Variants in MYO3B observed in about 807,000 individuals in gnomAD.
MYO3B encodes the protein myosin-IIIb.
In MYO3B, 156 loss-of-function variants were observed where a neutral mutation model predicts 174.6. That is an observed-to-expected ratio of 0.89 (90% CI 0.78 to 1.02). The LOEUF is 1.02. Ranked by LOEUF, MYO3B falls within the 50% of genes least tolerant of loss-of-function variation. The pLI, the probability that MYO3B is intolerant of heterozygous loss-of-function variation, is 0.00. For synonymous variants in MYO3B, 563 were observed against 569.1 expected (o/e 0.99, Z 0.15); for missense variants, 1,632 against 1,639.4 (o/e 1.00, Z 0.08).
At chr2:170,244,101 T>G (rs1360760300) in intron 7 of MYO3B, among the ~76,000 whole-genome samples, 1 of 152,206 alleles carries the variant, frequency 6.6e-6, no homozygotes, top group Non-Finnish European at 1.5e-5. Flanking sequence ...CATGGTACTT[T>G]TCCTTTGCTA....
At chr2:170,472,235 G>A (rs1685018372) in intron 25 of MYO3B, among the ~76,000 whole-genome samples, 1 of 152,118 alleles carries the variant, frequency 6.6e-6, no homozygotes, top group African/African-American at 2.4e-5. Context: ...GACCATCCAG[G>A]CCCCCATGGG....
intron 1 of MYO3B, among the ~76,000 whole-genome samples, chr2:170,179,546 T>C (rs924426209): frequency 1.3e-5 from 2 of 152,224 alleles, no homozygotes; most frequent in African/African-American, 4.8e-5. Context: ...CGGCTCCTAG[T>C]AAAAGGATAG....
chr2:170,376,729 C>G (rs2105716019), intron 9 of MYO3B, among the ~76,000 whole-genome samples: 1 of 152,170 alleles, frequency 6.6e-6, no homozygotes, highest in East Asian at 1.9e-4. Context: ...GGTTCTTATC[C>G]TGGGTGTGGA....
intron 14 of MYO3B, 71 bp downstream of exon 14, chr2:170,387,379 G>T: frequency 1.4e-6 from 2 of 1,407,082 alleles, no homozygotes; most frequent in Non-Finnish European, 2.0e-6. Context: ...AATTTTAATG[G>T]TTCAGTTTTC....
At chr2:170,201,519 T>G (rs955471434) in intron 3 of MYO3B, among the ~76,000 whole-genome samples, 18 of 152,210 alleles carry the variant, frequency 1.2e-4, no homozygotes, top group Admixed American at 3.9e-4. Flanking sequence ...GCAACCATGT[T>G]TGGGGAATTC....
At chr2:170,423,816 T>C (rs2094638532) in intron 22 of MYO3B, among the ~76,000 whole-genome samples, 1 of 152,182 alleles carries the variant, frequency 6.6e-6, no homozygotes, top group South Asian at 2.1e-4. Flanking sequence ...CTTTACTTCG[T>C]GATCCGCCTG....
intron 1 of MYO3B, among the ~76,000 whole-genome samples, chr2:170,180,943 C>T (rs1273188200): frequency 4.6e-5 from 7 of 151,984 alleles, no homozygotes; most frequent in Non-Finnish European, 1.0e-4. Context: ...GAAAATTTAC[C>T]TTTTTTCTTT....
intron 7 of MYO3B, among the ~76,000 whole-genome samples, chr2:170,312,936 A>G (rs141736471): frequency 6.6e-6 from 1 of 152,332 alleles, no homozygotes; most frequent in East Asian, 1.9e-4. Context: ...TTACACATAG[A>G]GGAACTATTT....
chr2:170,324,882 G>A (rs1447000206), intron 7 of MYO3B, among the ~76,000 whole-genome samples: 1 of 152,116 alleles, frequency 6.6e-6, no homozygotes, highest in African/African-American at 2.4e-5. Context: ...ACCCTCCAGC[G>A]AATTCTTCTG....
chr2:170,560,756 C>G (rs1691656064), intron 32 of MYO3B, among the ~76,000 whole-genome samples: 1 of 152,166 alleles, frequency 6.6e-6, no homozygotes, highest in South Asian at 2.1e-4. Flanking sequence ...AAATGGCAAA[C>G]TCTGCATTTG....
chr2:170,383,608 A>G (rs2094351925), intron 11 of MYO3B, 102 bp from the exon 12 acceptor site: 18 of 867,282 alleles, frequency 2.1e-5, no homozygotes, highest in Middle Eastern at 3.2e-4. Flanking sequence ...TCCTAATGCA[A>G]CAAGTACCCT....
intron 32 of MYO3B, among the ~76,000 whole-genome samples, chr2:170,559,061 C>A (rs1691538140): frequency 6.6e-6 from 1 of 152,144 alleles, no homozygotes; most frequent in African/African-American, 2.4e-5. Flanking sequence ...GTTAATATGG[C>A]CTAACCTATC....
At chr2:170,472,964 CT>C (rs1398065238) in intron 25 of MYO3B, among the ~76,000 whole-genome samples, 2 of 151,698 alleles carry the variant, frequency 1.3e-5, no homozygotes, top group African/African-American at 4.8e-5. Flanking sequence ...GCCTCGCAAA[CT>C]GGTGGGATTA....
chr2:170,570,096 T>C (rs374316139), intron 32 of MYO3B, among the ~76,000 whole-genome samples: 75 of 152,324 alleles, frequency 4.9e-4, no homozygotes, highest in Middle Eastern at 3.4e-3. Context: ...GGTGTGATTC[T>C]GGAGGAAGAT....
rs897516460 is a variant in MYO3B, at chr2:170,519,710, G to A, written c.3575+170G>A. 2.5e-4 allele frequency: 142 copies of A among 562,320 alleles called. 1 individual carries two copies. The highest frequency in any genetic ancestry group is 2.4e-3 in the African/African-American group (127 of 52,550). 34.8% of individuals were successfully genotyped at this position (562,320 alleles called of 1,614,324 possible). ...TCCAGGGCTGGGCGTGGTGGCTCATGCCTGTAATCCCAGCACTTTGTGGGG... is the reference window on the plus strand; with the variant it reads ...TCCAGGGCTGGGCGTGGTGGCTCATACCTGTAATCCCAGCACTTTGTGGGG... On this transcript the variant is annotated intron_variant, in intron 30 of 34. Coordinates refer to ENST00000408978, the MANE Select transcript of MYO3B (RefSeq NM_138995.5).
chr2:170,604,915 T>G (rs1694720146), intron 32 of MYO3B, among the ~76,000 whole-genome samples: 1 of 152,182 alleles, frequency 6.6e-6, no homozygotes, highest in South Asian at 2.1e-4. Context: ...TCCAGGATTT[T>G]TCACAGTCTC....
chr2:170,609,763 G>A (rs73030765), intron 32 of MYO3B, among the ~76,000 whole-genome samples: 9,733 of 152,194 alleles, frequency 0.064, 1,013 homozygotes, highest in African/African-American at 0.22. Flanking sequence ...TCAAGATCCC[G>A]AAAGACAAAG....
At chr2:170,255,590 A>G (rs1159539055) in intron 7 of MYO3B, among the ~76,000 whole-genome samples, 1 of 152,170 alleles carries the variant, frequency 6.6e-6, no homozygotes, top group African/African-American at 2.4e-5. Context: ...AAACGAAGCC[A>G]ATTGACTGTA....
chr2:170,509,026 A>C (rs1015022844), intron 28 of MYO3B, among the ~76,000 whole-genome samples: 13 of 150,452 alleles, frequency 8.6e-5, no homozygotes, highest in African/African-American at 3.2e-4. Context: ...GGGGGAAAAA[A>C]GTCTGTGAAA....
Sources: allele counts gnomAD v4.1 joint callset (sites outside exome capture counted in the v4.1 genomes callset), GRCh38; gene constraint gnomAD v4.1.1; transcripts MANE v1.5; gene names NCBI Gene and HGNC (gene_info 2026-07-23, HGNC 2026-07-21).